MSRA: variants seen among roughly 807,000 people sequenced by gnomAD.
MSRA encodes methionine sulfoxide reductase A, also known as mitochondrial peptide methionine sulfoxide reductase.
Under a neutral mutation model 31.3 loss-of-function variants are expected in MSRA, and 54 were observed. The observed-to-expected ratio is 1.73, with a 90% CI of 1.39 to 2.17. The LOEUF (loss-of-function observed/expected upper bound fraction) is 2.17, where lower values mean the gene tolerates loss of function less well. MSRA is among the 30% of genes most tolerant of loss of function. The pLI is 0.00. For synonymous variants in MSRA, 169 were observed against 116.5 expected (o/e 1.45, Z -2.90); for missense variants, 507 against 300.9 (o/e 1.69, Z -5.07).
intron 2 of MSRA, among the ~76,000 whole-genome samples, chr8:10,227,017 T>A (rs1217565654): frequency 6.6e-6 from 1 of 151,984 alleles, no homozygotes; most frequent in Non-Finnish European, 1.5e-5. Context: ...CGAGCAGAGG[T>A]CATTCTGTCT....
chr8:10,317,734 A>G (rs1434386096), intron 4 of MSRA, among the ~76,000 whole-genome samples: 1 of 152,208 alleles, frequency 6.6e-6, no homozygotes, highest in Non-Finnish European at 1.5e-5. Context: ...AATAGTGTCA[A>G]TAATTTTTCC....
intron 1 of MSRA, among the ~76,000 whole-genome samples, chr8:10,099,792 T>A (rs1799414472): frequency 6.6e-6 from 1 of 152,216 alleles, no homozygotes; most frequent in African/African-American, 2.4e-5. Context: ...AACAAGGACT[T>A]GCCTGGTGTG....
chr8:10,179,116 G>A (rs1017043708), intron 1 of MSRA, among the ~76,000 whole-genome samples: 2 of 152,164 alleles, frequency 1.3e-5, no homozygotes, highest in African/African-American at 4.8e-5. Flanking sequence ...GTCAGTCAGT[G>A]CCCCATCCTG....
At chr8:10,077,945 T>A (rs1798075694) in intron 1 of MSRA, among the ~76,000 whole-genome samples, 1 of 152,244 alleles carries the variant, frequency 6.6e-6, no homozygotes. Context: ...TTATTCACCC[T>A]AATATTAGTG....
intron 3 of MSRA, among the ~76,000 whole-genome samples, chr8:10,261,284 A>G (rs1386729855): frequency 6.6e-6 from 1 of 152,108 alleles, no homozygotes; most frequent in African/African-American, 2.4e-5. Context: ...AAAGCTTTAA[A>G]AATTAATCAC....
chr8:10,363,114 C>T (rs1804950293), intron 5 of MSRA, among the ~76,000 whole-genome samples: 1 of 152,218 alleles, frequency 6.6e-6, no homozygotes, highest in Non-Finnish European at 1.5e-5. Flanking sequence ...GAAATGTCCA[C>T]TCTTCTAGCA....
At chr8:10,379,864 A>G (rs1805962336) in intron 5 of MSRA, among the ~76,000 whole-genome samples, 2 of 152,218 alleles carry the variant, frequency 1.3e-5, no homozygotes, top group Non-Finnish European at 2.9e-5. Context: ...ACTTCATGAC[A>G]TAGCAAACTA....
chr8:10,374,765 C>A (rs1193473108), intron 5 of MSRA, among the ~76,000 whole-genome samples: 1 of 152,144 alleles, frequency 6.6e-6, no homozygotes, highest in East Asian at 1.9e-4. Flanking sequence ...GATGTTTTGT[C>A]CCCTCCAAAT....
intron 5 of MSRA, among the ~76,000 whole-genome samples, chr8:10,343,020 TACACACACACACACAC>T (rs572591443): frequency 7.5e-6 from 1 of 132,642 alleles, no homozygotes; most frequent in African/African-American, 2.8e-5. Flanking sequence ...GCATAAGCAT[TACACACACACACACAC>T]ACACACACAC....
chr8:10,323,089 C>CAAA lies in MSRA; in HGVS notation c.543+3117_543+3119dup, dbSNP rs34539032. Among the ~76,000 whole-genome samples, 644 of 112,218 alleles carry CAAA rather than the reference C, an allele frequency of 5.7e-3. 20 individuals carry two copies. Among genetic ancestry groups the CAAA allele is most frequent in the African/African-American group, 0.018 (503 of 27,214 alleles). The allele number at this position is 112,218 out of a possible 152,430, so 73.6% of individuals were successfully genotyped here. On this transcript the variant is annotated intron_variant, in intron 5 of 5. Coordinates refer to ENST00000317173, the MANE Select transcript of MSRA (RefSeq NM_012331.5). ...TGGGCAACAGAGTGAGACTCCATCT[C>CAAA]AAAAAAAAAAAAAAAAAAATGCAGA...
intron 1 of MSRA, among the ~76,000 whole-genome samples, chr8:10,165,392 G>A (rs892434497): frequency 3.9e-5 from 6 of 151,996 alleles, no homozygotes; most frequent in East Asian, 3.9e-4. Flanking sequence ...CTGAGTTTCC[G>A]ATTAAAAACC....
chr8:10,401,018 A>T (rs1807429001), intron 5 of MSRA, among the ~76,000 whole-genome samples: 1 of 152,252 alleles, frequency 6.6e-6, no homozygotes, highest in African/African-American at 2.4e-5. Flanking sequence ...ATATGACACC[A>T]AAAGCACAGA....
Position 10,301,610 on chromosome 8 carries a change from C to A in MSRA, c.408C>A (p.Val136=). The A allele has an allele frequency of 6.2e-7, 1 of 1,614,056 alleles. No individual in the cohort carries two copies. The highest frequency in any genetic ancestry group is 2.2e-5 in the East Asian group (1 of 44,874). Residue 136 remains valine, a synonymous_variant, in exon 4 of 6, where the codon GTC becomes GTA. Transcript: ENST00000317173. ...EHMSFEELLK[V]FWENHDPTQG... ...TGAGTTTTGAGGAACTGCTCAAGGT[C>A]TTCTGGGAGAATCACGACCCGACCC...
At chr8:10,372,213 T>C (rs1805518643) in intron 5 of MSRA, among the ~76,000 whole-genome samples, 1 of 152,204 alleles carries the variant, frequency 6.6e-6, no homozygotes, top group African/African-American at 2.4e-5. Context: ...CTGGGTGTCA[T>C]TGGCCCTGCT....
intron 1 of MSRA, among the ~76,000 whole-genome samples, chr8:10,095,301 G>A (rs1206440590): frequency 6.6e-6 from 1 of 152,158 alleles, no homozygotes; most frequent in Admixed American, 6.5e-5. Context: ...ATGGCTTCTA[G>A]TACTCCATTA....
intron 1 of MSRA, among the ~76,000 whole-genome samples, chr8:10,091,380 T>C (rs1411453587): frequency 6.6e-6 from 1 of 152,256 alleles, no homozygotes; most frequent in African/African-American, 2.4e-5. Context: ...CATATTATTT[T>C]TTGTGATGTC....
intron 5 of MSRA, among the ~76,000 whole-genome samples, chr8:10,407,498 G>C (rs1225153689): frequency 6.6e-6 from 1 of 152,218 alleles, no homozygotes; most frequent in East Asian, 1.9e-4. Context: ...ATGGACATTG[G>C]ATGGGGAGAG....
chr8:10,324,710 G>A (rs976482526), intron 5 of MSRA, among the ~76,000 whole-genome samples: 1 of 152,230 alleles, frequency 6.6e-6, no homozygotes, highest in Non-Finnish European at 1.5e-5. Context: ...GATTCACTGA[G>A]ATGTGTGGTT....
intron 1 of MSRA, among the ~76,000 whole-genome samples, chr8:10,155,593 A>G (rs917701802): frequency 6.6e-6 from 1 of 152,228 alleles, no homozygotes; most frequent in Non-Finnish European, 1.5e-5. Context: ...CCATGAGAGA[A>G]ATGGCGAGCC....
Sources: allele counts gnomAD v4.1 joint callset (sites outside exome capture counted in the v4.1 genomes callset), GRCh38; gene constraint gnomAD v4.1.1; transcripts MANE v1.5; gene names NCBI Gene and HGNC (gene_info 2026-07-23, HGNC 2026-07-21).